The following DMD variants were observed in gnomAD, a reference collection of about 807,000 sequenced individuals.
DMD encodes dystrophin.
Under a neutral mutation model 330.1 loss-of-function variants are expected in DMD, and 63 were observed. The ratio of observed to expected loss-of-function variants is 0.19; its 90% CI spans 0.16 to 0.24. The LOEUF is 0.24. Ranked by LOEUF, DMD falls within the 10% of genes least tolerant of loss-of-function variation. The pLI is 1.00. For missense variants in DMD, 3,344 were observed against 2,684.1 expected, an observed-to-expected ratio of 1.25 and a Z score of -5.43; for synonymous variants, 1,223 against 959.8, an observed-to-expected ratio of 1.27 and a Z score of -5.07.
At chrX:32,805,867 A>G (rs2076910631) in intron 7 of DMD, among the ~76,000 whole-genome samples, 1 of 112,024 alleles carries the variant, frequency 8.9e-6, no homozygotes, top group Non-Finnish European at 1.9e-5. Flanking sequence ...AGAATGCTTT[A>G]AAGACGAGCA....
chrX:32,348,681 T>A (rs774662291), intron 37 of DMD, among the ~76,000 whole-genome samples, 153 bp from the exon 38 acceptor site: 2 of 111,673 alleles, frequency 1.8e-5, no homozygotes, highest in South Asian at 7.3e-4. Context: ...GAAATACAAC[T>A]GGAAAAGTAC....
intron 25 of DMD, among the ~76,000 whole-genome samples, 172 bp from the exon 26 acceptor site, chrX:32,455,004 A>G (rs1232608281): frequency 2.7e-5 from 3 of 111,245 alleles, no homozygotes; most frequent in Non-Finnish European, 3.8e-5. Context: ...TCAATTTCCC[A>G]TAAGTGTGAA....
intron 30 of DMD, among the ~76,000 whole-genome samples, chrX:32,400,697 A>T (rs2098080390): frequency 9.2e-6 from 1 of 109,210 alleles, no homozygotes; most frequent in Non-Finnish European, 1.9e-5. Flanking sequence ...GCTGGAGAGG[A>T]TGTGGAGAAA....
chrX:32,736,093 A>C (rs1034350615), intron 7 of DMD, among the ~76,000 whole-genome samples: 1 of 112,198 alleles, frequency 8.9e-6, no homozygotes, highest in Non-Finnish European at 1.9e-5. Context: ...ACCCCATCAA[A>C]AAGTGGGCGA....
intron 60 of DMD, among the ~76,000 whole-genome samples, chrX:31,434,055 A>G (rs909216748): frequency 2.7e-5 from 3 of 111,396 alleles, no homozygotes; most frequent in Non-Finnish European, 5.6e-5. Context: ...AGATAGGGGA[A>G]ACAGACTTTC....
intron 17 of DMD, among the ~76,000 whole-genome samples, chrX:32,532,562 G>A (rs2047581000): frequency 8.9e-6 from 1 of 112,491 alleles, no homozygotes; most frequent in African/African-American, 3.2e-5. Flanking sequence ...TTGGCAAAGA[G>A]TGACAATAAT....
intron 62 of DMD, among the ~76,000 whole-genome samples, chrX:31,316,598 T>A (rs912644985): frequency 1.1e-4 from 12 of 111,866 alleles, no homozygotes; most frequent in African/African-American, 3.9e-4. Context: ...CACAACACTA[T>A]GGCACCCCTT....
At chrX:31,624,970 T>C (rs951761871) in intron 55 of DMD, among the ~76,000 whole-genome samples, 1 of 112,463 alleles carries the variant, frequency 8.9e-6, no homozygotes, top group African/African-American at 3.2e-5. Flanking sequence ...TTTGTTGCTC[T>C]TCAACACCAG....
At chrX:32,760,775 T>A (rs1295799114) in intron 7 of DMD, among the ~76,000 whole-genome samples, 3 of 112,108 alleles carry the variant, frequency 2.7e-5, no homozygotes, top group South Asian at 3.7e-4. Context: ...TCAAAATGTC[T>A]TTAATGCATA....
intron 1 of DMD, among the ~76,000 whole-genome samples, chrX:33,165,582 GA>G (rs60748491): frequency 9.1e-6 from 1 of 109,406 alleles, no homozygotes; most frequent in African/African-American, 3.3e-5. Flanking sequence ...TAGCCAGTAT[GA>G]AAAAAAAATG....
At chrX:31,507,978 A>G (rs369882708) in intron 55 of DMD, among the ~76,000 whole-genome samples, 1 of 111,994 alleles carries the variant, frequency 8.9e-6, no homozygotes, top group African/African-American at 3.2e-5. Context: ...GTCATGGGAG[A>G]GAAAATCTTC....
At chrX:32,159,333 T>C (rs1179053064) in intron 44 of DMD, among the ~76,000 whole-genome samples, 1 of 111,957 alleles carries the variant, frequency 8.9e-6, no homozygotes, top group African/African-American at 3.2e-5. Flanking sequence ...AGATAAGCAG[T>C]GGTGCCAAGG....
intron 7 of DMD, among the ~76,000 whole-genome samples, chrX:32,767,976 A>T (rs752655327): frequency 3.6e-5 from 4 of 111,829 alleles, no homozygotes; most frequent in African/African-American, 1.3e-4. Flanking sequence ...TAGATATAAC[A>T]TTGAGTGTTT....
intron 2 of DMD, among the ~76,000 whole-genome samples, chrX:32,870,974 A>AG (rs2082921978): frequency 9.0e-5 from 7 of 78,178 alleles, no homozygotes; most frequent in Admixed American, 4.7e-4. Flanking sequence ...AAAAAAAAAA[A>AG]AAAAAAAAAA....
At chrX:32,166,172 C>T (rs777289898) in intron 44 of DMD, among the ~76,000 whole-genome samples, 12 of 111,516 alleles carry the variant, frequency 1.1e-4, no homozygotes, top group Non-Finnish European at 1.9e-4. Flanking sequence ...ACATCAATTT[C>T]GGCTGGGCAT....
chrX:32,346,105 C>T, intron 38 of DMD, 25 bp from the exon 39 acceptor site: 3 of 1,205,673 alleles, frequency 2.5e-6, no homozygotes, highest in Non-Finnish European at 3.4e-6. Context: ...CAAGTACAGT[C>T]TTCATTTTGG....
intron 44 of DMD, among the ~76,000 whole-genome samples, chrX:31,992,813 T>C (rs1341939127): frequency 1.8e-5 from 2 of 111,996 alleles, no homozygotes; most frequent in African/African-American, 6.5e-5. Context: ...TTATTGGTCT[T>C]ATGATAATGC....
intron 1 of DMD, among the ~76,000 whole-genome samples, chrX:33,258,047 C>T (rs1379302253): frequency 1.8e-5 from 2 of 111,312 alleles, no homozygotes; most frequent in African/African-American, 3.2e-5. Flanking sequence ...CCATTGTTTC[C>T]TATCGTTATT....
At chrX:32,782,961 C>T (rs867632816) in intron 7 of DMD, among the ~76,000 whole-genome samples, 1 of 98,896 alleles carries the variant, frequency 1.0e-5, no homozygotes, top group Admixed American at 1.1e-4. Flanking sequence ...CACACACATA[C>T]ACACACACAT....
Sources: allele counts gnomAD v4.1 joint callset (sites outside exome capture counted in the v4.1 genomes callset), GRCh38; gene constraint gnomAD v4.1.1; transcripts MANE v1.5; gene names NCBI Gene and HGNC (gene_info 2026-07-23, HGNC 2026-07-21).